Variants in PCDH9 observed in about 807,000 individuals in gnomAD.
The protein encoded by PCDH9 is protocadherin-9.
PCDH9 carries 24 observed loss-of-function variants against 70.6 expected under a neutral mutation model. The observed-to-expected ratio is 0.34, with a 90% confidence interval of 0.25 to 0.48. PCDH9 has a LOEUF of 0.48. Ranked by LOEUF, PCDH9 falls within the 20% of genes least tolerant of loss-of-function variation. PCDH9 has a pLI of 0.99. For synonymous variants in PCDH9, 562 were observed against 558.5 expected (o/e 1.01, Z -0.09); for missense variants, 1,281 against 1,503.6 (o/e 0.85, Z 2.45).
chr13:66,924,211 G>T (rs2082681821), intron 2 of PCDH9, among the ~76,000 whole-genome samples: 1 of 151,754 alleles, frequency 6.6e-6, no homozygotes, highest in Non-Finnish European at 1.5e-5. Flanking sequence ...AATCGCTGGT[G>T]TTATATTCAA....
chr13:66,989,613 C>G (rs771330079), intron 2 of PCDH9, among the ~76,000 whole-genome samples: 3 of 151,862 alleles, frequency 2.0e-5, no homozygotes, highest in Non-Finnish European at 4.4e-5. Flanking sequence ...ACTTTCATCT[C>G]AGCTTCAGCT....
intron 3 of PCDH9, among the ~76,000 whole-genome samples, chr13:66,639,761 C>A: frequency 6.6e-6 from 1 of 152,124 alleles, no homozygotes; most frequent in East Asian, 1.9e-4. Flanking sequence ...GGGTTCAAAG[C>A]AAACAGAGAG....
intron 4 of PCDH9, among the ~76,000 whole-genome samples, chr13:66,480,729 A>T (rs1958820414): frequency 6.6e-6 from 1 of 152,318 alleles, no homozygotes; most frequent in Admixed American, 6.5e-5. Flanking sequence ...AAATTAGTTC[A>T]ACCATTGTGG....
chr13:66,665,643 C>T (rs578181815), intron 3 of PCDH9, among the ~76,000 whole-genome samples: 18 of 152,102 alleles, frequency 1.2e-4, no homozygotes, highest in African/African-American at 4.3e-4. Context: ...TGTAATATAC[C>T]TCTGGGGCAC....
intron 3 of PCDH9, among the ~76,000 whole-genome samples, chr13:66,675,734 T>C (rs1299953413): frequency 2.0e-5 from 3 of 152,086 alleles, no homozygotes; most frequent in Non-Finnish European, 4.4e-5. Context: ...TTAGCCAATA[T>C]TACTTTTTTT....
rs182919703 is a variant in PCDH9 at position 66,993,275 on chromosome 13, T to C, written c.3037-89670A>G. Among the ~76,000 whole-genome samples the C allele has an allele frequency of 1.8e-4, 27 of 152,296 alleles. No homozygotes were observed. In the East Asian group the frequency reaches 5.2e-3, roughly 29 times the overall value. On this transcript the variant is annotated intron_variant, in intron 2 of 4. Transcript: ENST00000377865. ...TAAAAACAATTAACCAAGAAAATGG[T>C]TGTATTTATTTTCCTGAATTTACCT...
At chr13:66,519,326 C>T (rs1959884195) in intron 4 of PCDH9, among the ~76,000 whole-genome samples, 1 of 151,538 alleles carries the variant, frequency 6.6e-6, no homozygotes, top group Admixed American at 6.6e-5. Context: ...TACAGATACC[C>T]ATATATATAT....
intron 2 of PCDH9, among the ~76,000 whole-genome samples, chr13:67,105,733 AC>A (rs1341013364): frequency 5.3e-5 from 8 of 151,996 alleles, no homozygotes; most frequent in Non-Finnish European, 8.8e-5. Context: ...AATAATATTT[AC>A]TAAATTCCAA....
chr13:67,194,935 A>G (rs1055191424), intron 2 of PCDH9, among the ~76,000 whole-genome samples: 2 of 152,186 alleles, frequency 1.3e-5, no homozygotes, highest in African/African-American at 4.8e-5. Context: ...TTTATCAAAA[A>G]AAGTCATTTG....
At chr13:66,523,027 T>G (rs897354776) in intron 4 of PCDH9, among the ~76,000 whole-genome samples, 7 of 152,124 alleles carry the variant, frequency 4.6e-5, no homozygotes, top group Non-Finnish European at 1.0e-4. Context: ...TAGAGCCCAC[T>G]GCATTTCTTT....
At chr13:66,851,430 A>G (rs1158832792) in intron 3 of PCDH9, among the ~76,000 whole-genome samples, 1 of 152,214 alleles carries the variant, frequency 6.6e-6, no homozygotes. Flanking sequence ...TTTTAAAAGT[A>G]AAATCTTTAA....
At chr13:66,864,251 C>T (rs1230667000) in intron 3 of PCDH9, among the ~76,000 whole-genome samples, 1 of 152,088 alleles carries the variant, frequency 6.6e-6, no homozygotes. Context: ...TGAAAACATT[C>T]TGCATGGCAT....
At chr13:66,365,882 C>T (rs1400837049) in intron 4 of PCDH9, among the ~76,000 whole-genome samples, 1 of 152,068 alleles carries the variant, frequency 6.6e-6, no homozygotes, top group Non-Finnish European at 1.5e-5. Flanking sequence ...CTTCCTCTTT[C>T]ACTCATTACT....
At chr13:66,837,800 A>C (rs890779560) in intron 3 of PCDH9, among the ~76,000 whole-genome samples, 34 of 152,200 alleles carry the variant, frequency 2.2e-4, no homozygotes, top group African/African-American at 8.0e-4. Flanking sequence ...TATTTTCATC[A>C]AATAGGCTTC....
At position 66,440,471 on chromosome 13, in the gene PCDH9, T is replaced by C. The variant is rs559403705; in HGVS notation, c.3341-135443A>G. ...TGTAAAAAATCTGTAATGAATATTA[T>C]ATTTATAAATACTCTACTAATAACA... On this transcript the variant is annotated intron_variant, in intron 4 of 4. Transcript: ENST00000377865. Among the ~76,000 whole-genome samples, 21 of 152,256 alleles carry C rather than the reference T, an allele frequency of 1.4e-4. No homozygotes were observed. The South Asian group carries it at 4.4e-3, about 32-fold the overall frequency.
At chr13:66,475,724 A>C (rs968347920) in intron 4 of PCDH9, among the ~76,000 whole-genome samples, 4 of 152,124 alleles carry the variant, frequency 2.6e-5, no homozygotes, top group African/African-American at 7.2e-5. Context: ...AATCATATTT[A>C]GCTCACCAAT....
intron 4 of PCDH9, among the ~76,000 whole-genome samples, chr13:66,421,453 A>T (rs1040638270): frequency 2.0e-5 from 3 of 152,152 alleles, no homozygotes; most frequent in Admixed American, 1.3e-4. Flanking sequence ...CACAAAGGGA[A>T]GCCCATCAGA....
At chr13:67,020,731 C>T (rs538607524) in intron 2 of PCDH9, among the ~76,000 whole-genome samples, 64 of 152,270 alleles carry the variant, frequency 4.2e-4, no homozygotes, top group Admixed American at 9.8e-4. Flanking sequence ...CCAGTTATAA[C>T]ATATCATATG....
chr13:66,444,583 C>G (rs1447315511), intron 4 of PCDH9, among the ~76,000 whole-genome samples: 2 of 151,972 alleles, frequency 1.3e-5, no homozygotes, highest in African/African-American at 4.8e-5. Context: ...GACAGAGTCT[C>G]ACTCTGTTGC....
Sources: allele counts gnomAD v4.1 joint callset (sites outside exome capture counted in the v4.1 genomes callset), GRCh38; gene constraint gnomAD v4.1.1; transcripts MANE v1.5; gene names NCBI Gene and HGNC (gene_info 2026-07-23, HGNC 2026-07-21).